ADGRV1: variants seen among roughly 807,000 people sequenced by gnomAD.
ADGRV1 encodes the protein adhesion G protein-coupled receptor V1, also known as G-protein coupled receptor 98.
ADGRV1 carries 359 observed loss-of-function variants against 596.2 expected under a neutral mutation model. The ratio of observed to expected loss-of-function variants is 0.60; its 90% CI spans 0.55 to 0.66. The LOEUF is 0.66. ADGRV1 is among the 30% of genes least tolerant of loss of function. The pLI is 0.00. For synonymous variants in ADGRV1, 2,681 were observed against 2,679.2 expected (o/e 1.00, Z -0.02); for missense variants, 7,274 against 7,575.6 (o/e 0.96, Z 1.48).
intron 85 of ADGRV1, among the ~76,000 whole-genome samples, chr5:91,006,617 A>G (rs1157571042): frequency 1.3e-5 from 2 of 152,204 alleles, no homozygotes; most frequent in African/African-American, 4.8e-5. Context: ...TCCTATACTC[A>G]TAGATGTTCT....
Position 90,689,858 on chromosome 5 carries a change from CA to C in ADGRV1, c.6491-2del. ...CTTAACATTTTACTTTTGGTCTTTT[CA>C]GGTGAAGATTATAGTATAGCTTCAT... On this transcript the variant is annotated splice_acceptor_variant, in intron 29 of 89. Transcript: ENST00000405460. LOFTEE classifies it high-confidence loss of function. The C allele has an allele frequency of 6.2e-7, 1 of 1,606,246 alleles. No individual in the cohort carries two copies. The highest frequency in any genetic ancestry group is 8.5e-7 in the Non-Finnish European group (1 of 1,174,630).
At chr5:91,085,794 G>T (rs897959379) in intron 86 of ADGRV1, among the ~76,000 whole-genome samples, 2 of 152,164 alleles carry the variant, frequency 1.3e-5, no homozygotes, top group African/African-American at 4.8e-5. Context: ...CTGCCTAGAA[G>T]AGCTTACTCG....
intron 18 of ADGRV1, 76 bp downstream of exon 18, chr5:90,651,806 C>A (rs1162084909): frequency 6.2e-5 from 59 of 956,502 alleles, no homozygotes; most frequent in Non-Finnish European, 8.1e-5. Flanking sequence ...CTGAAATATT[C>A]CTTCAAAATT....
intron 83 of ADGRV1, among the ~76,000 whole-genome samples, chr5:90,897,235 A>T (rs781645104): frequency 7.2e-5 from 11 of 152,238 alleles, no homozygotes; most frequent in Non-Finnish European, 1.3e-4. Context: ...TTTTAGTTTT[A>T]TAGATTTAGT....
intron 85 of ADGRV1, among the ~76,000 whole-genome samples, chr5:91,012,079 C>T (rs936607681): frequency 2.2e-4 from 34 of 151,946 alleles, no homozygotes; most frequent in Non-Finnish European, 4.0e-4. Context: ...GAAATACAAA[C>T]GACTTCAATA....
intron 83 of ADGRV1, among the ~76,000 whole-genome samples, chr5:90,903,115 G>T (rs1408249292): frequency 1.3e-5 from 2 of 152,038 alleles, no homozygotes; most frequent in African/African-American, 2.4e-5. Flanking sequence ...AACCAAGAAT[G>T]ATTTATTTAC....
At chr5:91,097,777 T>C (rs891096557) in intron 86 of ADGRV1, among the ~76,000 whole-genome samples, 1 of 152,232 alleles carries the variant, frequency 6.6e-6, no homozygotes, top group African/African-American at 2.4e-5. Context: ...CTAGTGGGTA[T>C]GAAATGGTAT....
chr5:91,076,577 C>T (rs1051973459), intron 86 of ADGRV1, among the ~76,000 whole-genome samples: 3 of 152,022 alleles, frequency 2.0e-5, no homozygotes, highest in Admixed American at 2.0e-4. Context: ...CTAAAGATAG[C>T]ATTAAGAAGA....
At chr5:90,992,010 G>T (rs1277644004) in intron 85 of ADGRV1, among the ~76,000 whole-genome samples, 1 of 152,142 alleles carries the variant, frequency 6.6e-6, no homozygotes, top group Non-Finnish European at 1.5e-5. Flanking sequence ...ACTGCCTGTG[G>T]GTGCACATGC....
intron 59 of ADGRV1, among the ~76,000 whole-genome samples, chr5:90,770,933 T>G (rs1462670008): frequency 6.6e-6 from 1 of 152,192 alleles, no homozygotes; most frequent in Non-Finnish European, 1.5e-5. Flanking sequence ...TTGCTCTTTT[T>G]ACTTTATAAT....
At chr5:90,844,630 G>A (rs140810551) in intron 78 of ADGRV1, among the ~76,000 whole-genome samples, 25 of 152,264 alleles carry the variant, frequency 1.6e-4, no homozygotes, top group South Asian at 2.1e-4. Flanking sequence ...TTTCAATTTC[G>A]TCAGGTTTTG....
At position 90,724,814 on chromosome 5, in the gene ADGRV1, A is replaced by G. The variant is rs1751547330; in HGVS notation, c.9749-18A>G. 1 of 1,611,140 alleles carries G rather than the reference A, an allele frequency of 6.2e-7. No individual in the cohort carries two copies. The highest frequency in any genetic ancestry group is 8.5e-7 in the Non-Finnish European group (1 of 1,177,818). On this transcript the variant is annotated intron_variant, in intron 45 of 89. Transcript: ENST00000405460. ...TGAAGGAGTAATAAACTAGTAAACC[A>G]TGATTTGTGTTTTTCAGGGGGAATG...
intron 1 of ADGRV1, among the ~76,000 whole-genome samples, chr5:90,611,621 C>T (rs771207673): frequency 7.2e-5 from 11 of 151,770 alleles, no homozygotes; most frequent in East Asian, 5.8e-4. Flanking sequence ...ATACAAATTA[C>T]GCACATCATG....
intron 1 of ADGRV1, among the ~76,000 whole-genome samples, chr5:90,612,325 T>C (rs1259801633): frequency 2.0e-5 from 3 of 152,072 alleles, no homozygotes; most frequent in Admixed American, 6.6e-5. Context: ...TATGCAATCT[T>C]ATGAGAGTTT....
chr5:91,072,347 G>A (rs904268551), intron 85 of ADGRV1, 100 bp from the exon 86 acceptor site: 1 of 1,057,850 alleles, frequency 9.5e-7, no homozygotes, highest in African/African-American at 1.6e-5. Flanking sequence ...CCAGCATCTG[G>A]ATACAAAGAG....
chr5:90,723,709 C>T (rs1273545749), intron 45 of ADGRV1, among the ~76,000 whole-genome samples: 2 of 152,158 alleles, frequency 1.3e-5, no homozygotes, highest in East Asian at 3.8e-4. Context: ...AAGGCATTGA[C>T]AAATTCTCTT....
In ADGRV1 at chr5:90,653,862, A is replaced by T. The variant is rs1306326601; in HGVS notation, c.4288A>T (p.Ile1430Phe). ...AAGTGTTTGGCTTCATCTACTAATTATCCTGGAGGATGGTATAATCGAATT... is the reference window on the plus strand; with the variant it reads ...AAGTGTTTGGCTTCATCTACTAATTTTCCTGGAGGATGGTATAATCGAATT... Reference protein sequence around the residue: ...EESVWLHLLIILEDGIIEFYL... With the variant: ...EESVWLHLLIFLEDGIIEFYL... The change falls in exon 20 of 90, where the codon ATC becomes TTC. Residue 1430 changes from isoleucine to phenylalanine, a missense_variant. This residue lies in a region of ADGRV1 where 38 missense variants were observed against 66.7 expected (regional missense o/e 0.57). Transcript: ENST00000405460. The T allele has an allele frequency of 3.1e-6, 5 of 1,608,206 alleles. No individual in the cohort carries two copies. Among genetic ancestry groups the T allele is most frequent in the Non-Finnish European group, 4.2e-6 (5 of 1,177,092 alleles).
At chr5:90,987,519 A>G (rs1240529656) in intron 85 of ADGRV1, among the ~76,000 whole-genome samples, 2 of 151,794 alleles carry the variant, frequency 1.3e-5, no homozygotes, top group East Asian at 1.9e-4. Flanking sequence ...TAACCTTTGC[A>G]TTACAGGTTA....
At chr5:90,665,482 C>A (rs1404377572) in intron 21 of ADGRV1, among the ~76,000 whole-genome samples, 3 of 151,706 alleles carry the variant, frequency 2.0e-5, no homozygotes, top group African/African-American at 7.3e-5. Context: ...TTTTTTATTC[C>A]GTCTATTTGA....
Sources: allele counts gnomAD v4.1 joint callset (sites outside exome capture counted in the v4.1 genomes callset), GRCh38; gene constraint gnomAD v4.1.1; regional missense constraint gnomAD v4.1.1; transcripts MANE v1.5; gene names NCBI Gene and HGNC (gene_info 2026-07-23, HGNC 2026-07-21).